Variants in PEX1 observed in about 807,000 individuals in gnomAD.
PEX1 encodes the protein peroxisomal biogenesis factor 1.
A neutral mutation model predicts 152.5 loss-of-function variants in PEX1; 97 were observed. That is an observed-to-expected ratio of 0.64 (90% confidence interval 0.54 to 0.75). The LOEUF (loss-of-function observed/expected upper bound fraction) is 0.75, where lower values mean the gene tolerates loss of function less well. PEX1 is among the 30% of genes least tolerant of loss of function. The probability of loss-of-function intolerance (pLI) is 0.00; values close to 1 mark genes in which losing one functional copy is unlikely to be tolerated. For missense variants in PEX1, 1,357 were observed against 1,516.3 expected, an observed-to-expected ratio of 0.89 and a Z score of 1.74; for synonymous variants, 485 against 531.6, an observed-to-expected ratio of 0.91 and a Z score of 1.21.
Position 92,502,080 on chromosome 7 carries a change from C to A in PEX1, c.2227-1G>T. 6.3e-7 allele frequency: 1 copy of A among 1,583,132 alleles called. No homozygotes were observed. Among genetic ancestry groups the A allele is most frequent in the Admixed American group, 1.7e-5 (1 of 57,530 alleles). ...TACACAGAATTTCACATCTTTGTTCCTAAAGAAAAAAACACAAAATTCGAA... is the reference window on the plus strand; with the variant it reads ...TACACAGAATTTCACATCTTTGTTCATAAAGAAAAAAACACAAAATTCGAA... On this transcript the variant is annotated splice_acceptor_variant, in intron 13 of 23. Coordinates refer to ENST00000248633, the MANE Select transcript of PEX1 (RefSeq NM_000466.3). LOFTEE classifies it high-confidence loss of function.
intron 2 of PEX1, among the ~76,000 whole-genome samples, chr7:92,521,896 G>T (rs1793066067): frequency 6.6e-6 from 1 of 152,132 alleles, no homozygotes; most frequent in African/African-American, 2.4e-5. Context: ...AGTAGAATAA[G>T]AAGCAAGTAG....
intron 23 of PEX1, among the ~76,000 whole-genome samples, chr7:92,488,443 T>C (rs1007444627): frequency 1.3e-5 from 2 of 152,296 alleles, no homozygotes; most frequent in African/African-American, 4.8e-5. Context: ...ATCTCTTAAA[T>C]TGAATCACAC....
rs1487036159 is a variant in PEX1 at position 92,503,159 on chromosome 7, C to T, written c.2108G>A (p.Gly703Glu). Residue 703 changes from glycine to glutamate, a missense_variant, in exon 13 of 24, where the codon GGA becomes GAA. By Grantham distance (98) the Gly-to-Glu change is moderately conservative. Transcript: ENST00000248633. ...NDMIKEFISM[G>E]SLVALIATSQ... The stretch of plus-strand genomic sequence containing the variant: ...TGTGGCAATCAGTGCAACCAAACTT[C>T]CCATGGAGATAAACTCTTTTATCAT... 3 of 1,613,558 alleles carry T rather than the reference C, an allele frequency of 1.9e-6. No individual in the cohort carries two copies. The highest frequency in any genetic ancestry group is 2.5e-6 in the Non-Finnish European group (3 of 1,179,792).
intron 7 of PEX1, 106 bp from the exon 8 acceptor site, chr7:92,511,153 T>TTC: frequency 1.6e-6 from 1 of 613,078 alleles, no homozygotes; most frequent in Non-Finnish European, 2.9e-6. Context: ...TTTTTTTTTT[T>TTC]CCCCCCAACA....
intron 6 of PEX1, 120 bp from the exon 7 acceptor site, chr7:92,511,823 G>A (rs961647982): frequency 7.8e-6 from 7 of 893,666 alleles, no homozygotes; most frequent in Middle Eastern, 3.3e-4. Context: ...TCCAATGAAG[G>A]ATGTTCATGT....
At chr7:92,509,445 C>A in intron 8 of PEX1, 34 bp from the exon 9 acceptor site, 2 of 1,452,398 alleles carry the variant, frequency 1.4e-6, no homozygotes, top group South Asian at 2.3e-5. Context: ...TTTTACATTT[C>A]AAAGTATGTC....
At chr7:92,491,217 C>T (rs1562843937) in intron 21 of PEX1, 55 bp downstream of exon 21, 2 of 1,242,612 alleles carry the variant, frequency 1.6e-6, no homozygotes, top group Non-Finnish European at 1.2e-6. Flanking sequence ...TGCAACTTTA[C>T]ACCAACATAT....
rs1397805079 is a variant in PEX1, at chr7:92,517,795, T to C, written c.720A>G (p.Ser240=). 1.9e-6 allele frequency: 3 copies of C among 1,563,562 alleles called. No individual in the cohort carries two copies. The highest frequency in any genetic ancestry group is 2.5e-5 in the South Asian group (2 of 80,736). The part of the protein sequence containing the change: ...ENESEIPVDS[S]SVASLWTMIG... Reference sequence around the variant, plus strand: ...TCATAGTCCATAAACTTGCTACTGATGATGAGTCAACTGGAATCTCTGACT... The same window carrying C: ...TCATAGTCCATAAACTTGCTACTGACGATGAGTCAACTGGAATCTCTGACT... The change falls in exon 5 of 24, where the codon TCA becomes TCG. Residue 240 remains serine (S), a synonymous_variant. Transcript: ENST00000248633.
At chr7:92,525,762 A>C (rs1322544136) in intron 1 of PEX1, among the ~76,000 whole-genome samples, 2 of 152,216 alleles carry the variant, frequency 1.3e-5, no homozygotes, top group Admixed American at 6.5e-5. Flanking sequence ...TGAAATAATG[A>C]CTTGAGTAAA....
intron 14 of PEX1, 92 bp downstream of exon 14, chr7:92,501,798 A>G: frequency 7.3e-7 from 1 of 1,369,908 alleles, no homozygotes; most frequent in South Asian, 1.2e-5. Context: ...CAAATACTAC[A>G]ATGGAATATA....
intron 17 of PEX1, 100 bp downstream of exon 17, chr7:92,496,613 G>A: frequency 1.2e-6 from 1 of 808,394 alleles, no homozygotes; most frequent in South Asian, 1.4e-5. Context: ...TAAACCACAG[G>A]TTTCAAATAT....
intron 9 of PEX1, chr7:92,507,535 G>A (rs1033699823): frequency 3.6e-5 from 7 of 192,702 alleles, no homozygotes. Context: ...ATAGACACAA[G>A]CCACCATGCT....
At chr7:92,496,930 A>G (rs1359922141) in intron 16 of PEX1, among the ~76,000 whole-genome samples, 153 bp from the exon 17 acceptor site, 1 of 152,230 alleles carries the variant, frequency 6.6e-6, no homozygotes, top group African/African-American at 2.4e-5. Flanking sequence ...TAGAATAAAT[A>G]TCATACCACA....
chr7:92,514,468 C>CA (rs1792629709), intron 5 of PEX1, among the ~76,000 whole-genome samples: 1 of 152,124 alleles, frequency 6.6e-6, no homozygotes, highest in South Asian at 2.1e-4. Context: ...TTCACCAAAC[C>CA]CATCTTTTAA....
chr7:92,491,643 G>C (rs1261000991), intron 20 of PEX1, 141 bp from the exon 21 acceptor site: 1 of 627,366 alleles, frequency 1.6e-6, no homozygotes, highest in African/African-American at 1.9e-5. Flanking sequence ...ATTCTCTAAC[G>C]GTTTTGAGGC....
intron 1 of PEX1, among the ~76,000 whole-genome samples, chr7:92,526,092 T>C (rs1294675815): frequency 6.6e-6 from 1 of 152,178 alleles, no homozygotes; most frequent in African/African-American, 2.4e-5. Flanking sequence ...GCAATGGTAC[T>C]GGCCTAGGAA....
chr7:92,492,085 T>C (rs1358990580), intron 20 of PEX1, among the ~76,000 whole-genome samples: 1 of 152,190 alleles, frequency 6.6e-6, no homozygotes, highest in Non-Finnish European at 1.5e-5. Flanking sequence ...AAAATCATAA[T>C]ACTGTCTTTA....
rs184443438 is a variant in PEX1, at chr7:92,504,948, G to A, written c.1901-46C>T. ...ATGGTTTCAGTATCATTTCAGTGCTGGGAAAATTCAGGTTGTCCTTTTGAA... is the reference window on the plus strand; with the variant it reads ...ATGGTTTCAGTATCATTTCAGTGCTAGGAAAATTCAGGTTGTCCTTTTGAA... On this transcript the variant is annotated intron_variant, in intron 11 of 23. Transcript: ENST00000248633. The A allele has an allele frequency of 3.5e-6, 5 of 1,436,160 alleles. No homozygotes were observed. In the African/African-American group the frequency reaches 7.0e-5, roughly 20 times the overall value. 89.0% of individuals were successfully genotyped at this position (1,436,160 alleles called of 1,614,324 possible).
intron 16 of PEX1, 77 bp downstream of exon 16, chr7:92,499,627 A>C: frequency 7.9e-7 from 1 of 1,270,988 alleles, no homozygotes; most frequent in Non-Finnish European, 1.1e-6. Flanking sequence ...ATGCCAGTGA[A>C]TTTACACTTT....
Sources: allele counts gnomAD v4.1 joint callset (sites outside exome capture counted in the v4.1 genomes callset), GRCh38; gene constraint gnomAD v4.1.1; transcripts MANE v1.5; gene names NCBI Gene and HGNC (gene_info 2026-07-23, HGNC 2026-07-21).